TSGA10: variants seen among roughly 807,000 people sequenced by gnomAD.
TSGA10 encodes the protein testis-specific gene 10 protein.
Under a neutral mutation model 96.6 loss-of-function variants are expected in TSGA10, and 43 were observed. The ratio of observed to expected loss-of-function variants is 0.44; its 90% CI spans 0.35 to 0.57. The LOEUF (loss-of-function observed/expected upper bound fraction) is 0.57, where lower values mean the gene tolerates loss of function less well. TSGA10 is among the 20% of genes least tolerant of loss of function. The pLI is 0.01. For missense variants in TSGA10, 703 were observed against 834.4 expected (o/e 0.84, Z 1.94); for synonymous variants, 229 against 269.9 (o/e 0.85, Z 1.48).
intron 1 of TSGA10, among the ~76,000 whole-genome samples, chr2:99,152,701 T>G (rs946366571): frequency 6.6e-6 from 1 of 152,178 alleles, no homozygotes; most frequent in African/African-American, 2.4e-5. Flanking sequence ...TGAATGATGG[T>G]GATGGTCATA....
chr2:99,148,348 T>G (rs532356083), intron 1 of TSGA10: 1 of 152,302 alleles, frequency 6.6e-6, no homozygotes, highest in South Asian at 2.1e-4. Flanking sequence ...AAGTTCCAAA[T>G]CTAAAAATCA....
At chr2:99,150,416 C>G in intron 1 of TSGA10, 3 of 891,468 alleles carry the variant, frequency 3.4e-6, no homozygotes, top group Non-Finnish European at 5.1e-6. Flanking sequence ...TTCATTCAAA[C>G]AAACATTGCC....
intron 10 of TSGA10, among the ~76,000 whole-genome samples, chr2:99,095,402 C>CAAATA (rs1030780543): frequency 6.6e-6 from 1 of 151,274 alleles, no homozygotes; most frequent in Non-Finnish European, 1.5e-5. Context: ...GGAAATTAAA[C>CAAATA]AAATAAAATA....
At chr2:99,095,135 A>G (rs1477616261) in intron 10 of TSGA10, among the ~76,000 whole-genome samples, 1 of 152,216 alleles carries the variant, frequency 6.6e-6, no homozygotes, top group East Asian at 1.9e-4. Context: ...TTCTAAGGGA[A>G]GTAACTCAGG....
At chr2:99,035,985 C>T (rs924282625) in intron 16 of TSGA10, among the ~76,000 whole-genome samples, 1 of 151,992 alleles carries the variant, frequency 6.6e-6, no homozygotes, top group Non-Finnish European at 1.5e-5. Flanking sequence ...AAGTATATAT[C>T]CACATTATAG....
chr2:99,078,026 C>T (rs2086941928), intron 12 of TSGA10, among the ~76,000 whole-genome samples: 1 of 151,314 alleles, frequency 6.6e-6, no homozygotes, highest in Non-Finnish European at 1.5e-5. Flanking sequence ...AATCCCAGCA[C>T]TTTGGGAGGC....
chr2:99,051,254 C>T (rs550858981), intron 16 of TSGA10, among the ~76,000 whole-genome samples: 25 of 152,194 alleles, frequency 1.6e-4, no homozygotes, highest in African/African-American at 6.0e-4. Context: ...AAGGGACACA[C>T]TTTAGTTTCA....
rs763582146 is a variant in TSGA10, at chr2:98,998,240, T to C, written c.2073-19A>G. The C allele has an allele frequency of 3.2e-6, 5 of 1,584,368 alleles. No individual in the cohort carries two copies. The highest frequency in any genetic ancestry group is 2.3e-5 in the East Asian group (1 of 43,932). ...AAGATTCCTATAAGAGAAAAAATCA[T>C]GCTGATTAATATTTTTAATTCAACT... is the stretch of plus-strand genomic sequence containing the variant. On this transcript the variant is annotated intron_variant, in intron 20 of 20. Transcript: ENST00000393483.
intron 1 of TSGA10, among the ~76,000 whole-genome samples, chr2:99,134,634 T>A (rs559338597): frequency 1.3e-4 from 20 of 152,250 alleles, no homozygotes; most frequent in South Asian, 8.3e-4. Context: ...GGCGAGCAGT[T>A]GTAATCCTTT....
chr2:99,040,562 G>A (rs1233106441), intron 16 of TSGA10, among the ~76,000 whole-genome samples: 1 of 151,986 alleles, frequency 6.6e-6, no homozygotes, highest in Non-Finnish European at 1.5e-5. Flanking sequence ...CCTAACCAAG[G>A]AGGTGAAAGA....
At chr2:99,003,058 C>T (rs2078086763) in intron 20 of TSGA10, among the ~76,000 whole-genome samples, 1 of 152,040 alleles carries the variant, frequency 6.6e-6, no homozygotes, top group Non-Finnish European at 1.5e-5. Flanking sequence ...AGGGTTTCAC[C>T]ATCTTGGCCA....
intron 15 of TSGA10, among the ~76,000 whole-genome samples, chr2:99,067,755 G>A (rs1312608099): frequency 1.3e-5 from 2 of 151,842 alleles, no homozygotes; most frequent in African/African-American, 4.8e-5. Context: ...CAGGAGGCAG[G>A]AGAATCGCTT....
intron 17 of TSGA10, among the ~76,000 whole-genome samples, chr2:99,028,733 T>C (rs1397722782): frequency 6.6e-6 from 1 of 152,176 alleles, no homozygotes; most frequent in Non-Finnish European, 1.5e-5. Context: ...GGGCTCTTGT[T>C]AGCTGCTGCT....
intron 17 of TSGA10, among the ~76,000 whole-genome samples, chr2:99,021,162 G>A (rs911412450): frequency 1.3e-5 from 2 of 151,630 alleles, no homozygotes; most frequent in Admixed American, 1.3e-4. Flanking sequence ...AATTCTATAT[G>A]CATTTAAAAG....
At chr2:99,027,279 C>T (rs1251043507) in intron 17 of TSGA10, among the ~76,000 whole-genome samples, 1 of 152,082 alleles carries the variant, frequency 6.6e-6, no homozygotes, top group African/African-American at 2.4e-5. Flanking sequence ...GGACATCATG[C>T]TAAATGAAAT....
intron 20 of TSGA10, 75 bp downstream of exon 20, chr2:99,018,125 C>T (rs2079691301): frequency 1.3e-6 from 2 of 1,484,902 alleles, no homozygotes; most frequent in Non-Finnish European, 1.8e-6. Context: ...ATTGAGTTTC[C>T]TTATTACCCC....
intron 16 of TSGA10, among the ~76,000 whole-genome samples, chr2:99,037,132 G>A (rs924271090): frequency 6.6e-6 from 1 of 152,144 alleles, no homozygotes; most frequent in Non-Finnish European, 1.5e-5. Context: ...ACTGAACAGC[G>A]TTATCAATCA....
chr2:99,119,803 G>A (rs929925147), intron 2 of TSGA10, among the ~76,000 whole-genome samples: 1 of 152,172 alleles, frequency 6.6e-6, no homozygotes, highest in African/African-American at 2.4e-5. Context: ...GGCTTTCACT[G>A]TTTACTTATT....
intron 12 of TSGA10, among the ~76,000 whole-genome samples, chr2:99,074,281 T>C (rs1446795707): frequency 6.6e-6 from 1 of 152,030 alleles, no homozygotes; most frequent in Non-Finnish European, 1.5e-5. Flanking sequence ...CCCAAAGTGC[T>C]GGGATTACAG....
Sources: gnomAD v4.1 joint callset for allele counts (sites outside exome capture counted in the v4.1 genomes callset) on GRCh38, gnomAD v4.1.1 for gene constraint, MANE v1.5 for transcripts, NCBI Gene and HGNC (gene_info 2026-07-23, HGNC 2026-07-21) for gene names.